The following DOCK7 variants were observed in gnomAD, a reference collection of about 807,000 sequenced individuals.
DOCK7 encodes the protein dedicator of cytokinesis 7.
Under a neutral mutation model 271.0 loss-of-function variants are expected in DOCK7, and 138 were observed. The observed-to-expected ratio is 0.51, with a 90% CI of 0.44 to 0.59. The LOEUF is 0.59. DOCK7 is among the 20% of genes least tolerant of loss of function. The pLI is 0.00. For missense variants in DOCK7, 2,066 were observed against 2,592.4 expected, an observed-to-expected ratio of 0.80 and a Z score of 4.41; for synonymous variants, 823 against 876.1, an observed-to-expected ratio of 0.94 and a Z score of 1.07.
intron 7 of DOCK7, among the ~76,000 whole-genome samples, chr1:62,637,851 G>T (rs1655474930): frequency 1.3e-5 from 2 of 152,126 alleles, no homozygotes; most frequent in South Asian, 4.1e-4. Context: ...TCCTTCACAG[G>T]AACTGGCCTT....
chr1:62,543,782 T>C (rs753096385), intron 23 of DOCK7, 37 bp from the exon 24 acceptor site: 1 of 1,496,792 alleles, frequency 6.7e-7, no homozygotes, highest in Non-Finnish European at 9.2e-7. Context: ...GAGATAACAT[T>C]AACGTTTGCA....
At chr1:62,562,326 G>C (rs1485664964) in intron 18 of DOCK7, among the ~76,000 whole-genome samples, 1 of 141,650 alleles carries the variant, frequency 7.1e-6, no homozygotes. Flanking sequence ...CCACCTCCCA[G>C]GTTCAAAGGA....
chr1:62,663,357 C>T (rs1658902729), intron 1 of DOCK7, among the ~76,000 whole-genome samples: 1 of 151,962 alleles, frequency 6.6e-6, no homozygotes, highest in Non-Finnish European at 1.5e-5. Context: ...GACAGACAAC[C>T]CATATGAGGT....
Position 62,568,172 on chromosome 1 carries a change from G to A in DOCK7, c.2113-6469C>T, listed in dbSNP as rs539973565. ...ACTGTTGGGTAAATAATGAAATTAG[G>A]GCAGAAATCAAGAAGTTCTTTGAAA... On this transcript the variant is annotated intron_variant, in intron 18 of 49. Coordinates refer to ENST00000635253, the MANE Select transcript of DOCK7 (RefSeq NM_001367561.1). Among the ~76,000 whole-genome samples the A allele has an allele frequency of 2.3e-4, 35 of 152,106 alleles. No individual in the cohort carries two copies. In the South Asian group the frequency reaches 3.3e-3, roughly 14 times the overall value.
chr1:62,537,564 A>G (rs551471231), intron 28 of DOCK7, among the ~76,000 whole-genome samples: 5 of 139,852 alleles, frequency 3.6e-5, no homozygotes, highest in Non-Finnish European at 7.6e-5. Context: ...CCAGCCTGGG[A>G]GAAACAGCAA....
At chr1:62,482,863 T>C (rs1366131137) in intron 43 of DOCK7, 3 of 152,202 alleles carry the variant, frequency 2.0e-5, no homozygotes, top group African/African-American at 7.2e-5. Context: ...AAAAATCAGG[T>C]TGGTGGCTTA....
intron 1 of DOCK7, among the ~76,000 whole-genome samples, chr1:62,668,835 G>A (rs984504037): frequency 3.3e-5 from 5 of 151,376 alleles, no homozygotes; most frequent in Non-Finnish European, 7.4e-5. Context: ...TGAAGCAGGA[G>A]GACAGCTTGA....
At chr1:62,646,956 G>A (rs1020684060) in intron 7 of DOCK7, among the ~76,000 whole-genome samples, 4 of 152,136 alleles carry the variant, frequency 2.6e-5, no homozygotes, top group Admixed American at 2.0e-4. Flanking sequence ...CTGATGTTAG[G>A]TGTCCTGTTA....
At chr1:62,496,634 A>G (rs1287627064) in intron 37 of DOCK7, 137 bp from the exon 38 acceptor site, 1 of 760,750 alleles carries the variant, frequency 1.3e-6, no homozygotes, top group Non-Finnish European at 2.0e-6. Context: ...TAAAATATGC[A>G]TATCAAAATC....
chr1:62,511,758 G>T (rs184258257), intron 33 of DOCK7, among the ~76,000 whole-genome samples: 358 of 150,112 alleles, frequency 2.4e-3, no homozygotes, highest in African/African-American at 8.3e-3. Context: ...GGAAATTTAT[G>T]GAAAAAAACA....
At chr1:62,471,734 T>C (rs770100811) in intron 48 of DOCK7, among the ~76,000 whole-genome samples, 22 of 152,204 alleles carry the variant, frequency 1.4e-4, no homozygotes, top group African/African-American at 3.6e-4. Context: ...AAAAGATCCA[T>C]TGTAGTATAA....
intron 14 of DOCK7, among the ~76,000 whole-genome samples, chr1:62,612,526 C>A (rs1439663674): frequency 6.6e-6 from 1 of 151,910 alleles, no homozygotes; most frequent in East Asian, 1.9e-4. Context: ...CACTTGTATC[C>A]CGGAACTTAA....
intron 10 of DOCK7, 34 bp from the exon 11 acceptor site, chr1:62,631,439 T>A: frequency 6.6e-7 from 1 of 1,517,192 alleles, no homozygotes; most frequent in Non-Finnish European, 8.9e-7. Context: ...TATATGATTA[T>A]ACTTGAAAGA....
intron 7 of DOCK7, among the ~76,000 whole-genome samples, chr1:62,645,575 G>C (rs1394784818): frequency 6.6e-6 from 1 of 152,076 alleles, no homozygotes; most frequent in African/African-American, 2.4e-5. Context: ...ATTTCTTTTT[G>C]GGATGATGAA....
intron 2 of DOCK7, among the ~76,000 whole-genome samples, chr1:62,658,007 A>T (rs1233278059): frequency 6.6e-6 from 1 of 152,154 alleles, no homozygotes; most frequent in Non-Finnish European, 1.5e-5. Context: ...ATATATCTGA[A>T]AAAACAATGG....
intron 18 of DOCK7, among the ~76,000 whole-genome samples, chr1:62,572,219 C>G (rs935944048): frequency 6.6e-6 from 1 of 152,142 alleles, no homozygotes; most frequent in Non-Finnish European, 1.5e-5. Context: ...TTACAACAAA[C>G]CCTCTAGGTA....
chr1:62,513,832 C>A lies in DOCK7; in HGVS notation c.4003G>T (p.Val1335Phe), dbSNP rs761527184. The A allele has an allele frequency of 6.2e-7, 1 of 1,614,042 alleles. No individual in the cohort carries two copies. The highest frequency in any genetic ancestry group is 8.5e-7 in the Non-Finnish European group (1 of 1,179,974). ...ACTGTTTCATCTGCATTTTTGAGAACCCAAAGTAGACAGATCAAAAGGCTT... is the reference window on the plus strand; with the variant it reads ...ACTGTTTCATCTGCATTTTTGAGAAACCAAAGTAGACAGATCAAAAGGCTT... ...SRSLLICLLWVLKNADETVLQ... is the reference protein window; with the variant it reads ...SRSLLICLLWFLKNADETVLQ... Residue 1335 changes from valine (V) to phenylalanine (F), a missense_variant, in exon 32 of 50, where the codon GTT becomes TTT. Val to Phe is a conservative substitution (Grantham distance 50, BLOSUM62 -1). Transcript: ENST00000635253.
At chr1:62,648,368 C>G (rs758740338) in intron 5 of DOCK7, 47 bp downstream of exon 5, 6 of 1,431,768 alleles carry the variant, frequency 4.2e-6, no homozygotes, top group Non-Finnish European at 5.5e-6. Flanking sequence ...AAATTGACAA[C>G]TATTTTTAAA....
chr1:62,495,971 G>A (rs1646609136), intron 38 of DOCK7: 2 of 358,888 alleles, frequency 5.6e-6, no homozygotes, highest in Non-Finnish European at 4.9e-6. Context: ...GAATACAAAA[G>A]GAAAATTCTC....
Sources: gnomAD v4.1 joint callset for allele counts (sites outside exome capture counted in the v4.1 genomes callset) on GRCh38, gnomAD v4.1.1 for gene constraint, MANE v1.5 for transcripts, NCBI Gene and HGNC (gene_info 2026-07-23, HGNC 2026-07-21) for gene names.